The following ULK4 variants were observed in gnomAD, a reference collection of about 807,000 sequenced individuals.
ULK4 encodes the protein unc-51 like kinase 4, also known as inactive serine/threonine-protein kinase ULK4.
Under a neutral mutation model 160.6 loss-of-function variants are expected in ULK4, and 133 were observed. That is an observed-to-expected ratio of 0.83 (90% CI 0.72 to 0.96). ULK4 has a LOEUF of 0.96. Among genes scored for constraint, ULK4 ranks in the 40% least tolerant of loss-of-function variants. The pLI, the probability that ULK4 is intolerant of heterozygous loss-of-function variation, is 0.00. For synonymous variants in ULK4, 534 were observed against 539.8 expected (o/e 0.99, Z 0.15); for missense variants, 1,580 against 1,499.5 (o/e 1.05, Z -0.89).
chr3:41,457,408 T>C (rs2083580508), intron 33 of ULK4, among the ~76,000 whole-genome samples: 1 of 152,196 alleles, frequency 6.6e-6, no homozygotes, highest in African/African-American at 2.4e-5. Context: ...CCAGTATTCA[T>C]GTGGCCACCT....
chr3:41,540,040 A>G (rs942299834), intron 32 of ULK4, among the ~76,000 whole-genome samples: 3 of 152,154 alleles, frequency 2.0e-5, no homozygotes, highest in African/African-American at 7.2e-5. Context: ...TGGAATGAAA[A>G]TAAGTAATTT....
intron 17 of ULK4, among the ~76,000 whole-genome samples, chr3:41,864,822 T>C (rs2042581468): frequency 6.6e-6 from 1 of 152,136 alleles, no homozygotes; most frequent in Non-Finnish European, 1.5e-5. Flanking sequence ...TAAGACCAAT[T>C]ACCCTAGGTC....
intron 35 of ULK4, among the ~76,000 whole-genome samples, chr3:41,379,163 C>T (rs539262134): frequency 3.0e-4 from 46 of 151,492 alleles, no homozygotes; most frequent in African/African-American, 1.1e-3. Flanking sequence ...ATGTAATAAA[C>T]CTGCACATTC....
intron 21 of ULK4, among the ~76,000 whole-genome samples, chr3:41,757,488 C>T (rs1260379494): frequency 1.3e-5 from 2 of 151,538 alleles, no homozygotes; most frequent in Non-Finnish European, 2.9e-5. Context: ...AAAAATTAGC[C>T]AGGTGTGGTG....
intron 35 of ULK4, among the ~76,000 whole-genome samples, chr3:41,280,134 T>A (rs2079322278): frequency 6.6e-6 from 1 of 152,166 alleles, no homozygotes; most frequent in Non-Finnish European, 1.5e-5. Flanking sequence ...ATGCACCCAA[T>A]ACAGGAGCAC....
At chr3:41,826,299 C>T (rs1326979996) in intron 18 of ULK4, among the ~76,000 whole-genome samples, 1 of 152,092 alleles carries the variant, frequency 6.6e-6, no homozygotes, top group Non-Finnish European at 1.5e-5. Flanking sequence ...ATCAAATTCA[C>T]ACATAACAAT....
At chr3:41,848,638 CAT>C (rs1300539969) in intron 17 of ULK4, among the ~76,000 whole-genome samples, 2 of 152,158 alleles carry the variant, frequency 1.3e-5, no homozygotes, top group African/African-American at 4.8e-5. Context: ...TGAATCTGGA[CAT>C]AGAGTGAAGG....
intron 30 of ULK4, among the ~76,000 whole-genome samples, chr3:41,619,662 C>A (rs961995305): frequency 6.6e-6 from 1 of 151,648 alleles, no homozygotes; most frequent in Non-Finnish European, 1.5e-5. Context: ...AGGAAAAAAA[C>A]GGGAAAGATC....
intron 35 of ULK4, among the ~76,000 whole-genome samples, chr3:41,250,578 T>C (rs562021705): frequency 6.6e-6 from 1 of 152,346 alleles, no homozygotes; most frequent in South Asian, 2.1e-4. Flanking sequence ...CTGACTTTGA[T>C]CACAGCAACC....
chr3:41,574,675 G>A (rs1259046639), intron 31 of ULK4, among the ~76,000 whole-genome samples: 1 of 151,596 alleles, frequency 6.6e-6, no homozygotes, highest in Non-Finnish European at 1.5e-5. Flanking sequence ...CCAAGTAGCT[G>A]GGACTACAGT....
intron 22 of ULK4, among the ~76,000 whole-genome samples, chr3:41,724,285 A>T (rs1360007821): frequency 6.6e-6 from 1 of 152,214 alleles, no homozygotes; most frequent in African/African-American, 2.4e-5. Flanking sequence ...GATGCACATA[A>T]ACATTTCTAT....
chr3:41,279,995 CAG>C (rs1268676995), intron 35 of ULK4, among the ~76,000 whole-genome samples: 1 of 152,036 alleles, frequency 6.6e-6, no homozygotes, highest in Non-Finnish European at 1.5e-5. Flanking sequence ...AACTAAAAAA[CAG>C]GGGTTGCAAT....
chr3:41,355,535 A>G (rs753767137), intron 35 of ULK4, among the ~76,000 whole-genome samples: 2 of 152,324 alleles, frequency 1.3e-5, no homozygotes, highest in South Asian at 4.1e-4. Context: ...ATTGTAAGAG[A>G]GCTGACTGTC....
chr3:41,379,413 G>C (rs1255499676), intron 35 of ULK4, among the ~76,000 whole-genome samples: 1 of 152,070 alleles, frequency 6.6e-6, no homozygotes, highest in Admixed American at 6.6e-5. Flanking sequence ...AACTGAAAAA[G>C]GAAATCAAGA....
At chr3:41,381,731 G>C (rs765852012) in intron 35 of ULK4, among the ~76,000 whole-genome samples, 4 of 152,002 alleles carry the variant, frequency 2.6e-5, no homozygotes, top group Non-Finnish European at 5.9e-5. Flanking sequence ...CCTCTTCAAT[G>C]ACTACTCTCA....
chr3:41,382,178 A>G (rs562205641), intron 35 of ULK4, among the ~76,000 whole-genome samples: 1 of 152,234 alleles, frequency 6.6e-6, no homozygotes, highest in South Asian at 2.1e-4. Context: ...AAAATACCAC[A>G]TAGTTTACTT....
At chr3:41,248,741 G>A (rs1300549723) in intron 36 of ULK4, among the ~76,000 whole-genome samples, 2 of 152,226 alleles carry the variant, frequency 1.3e-5, no homozygotes, top group African/African-American at 4.8e-5. Flanking sequence ...CATAGGAGGC[G>A]GGTCCTTCTC....
At chr3:41,438,825 C>T (rs566394732) in intron 34 of ULK4, among the ~76,000 whole-genome samples, 32 of 151,866 alleles carry the variant, frequency 2.1e-4, no homozygotes, top group African/African-American at 7.0e-4. Context: ...ATGAGATCCC[C>T]GACTCAAGAA....
At chr3:41,868,820 T>G (rs918270942) in intron 17 of ULK4, among the ~76,000 whole-genome samples, 6 of 152,068 alleles carry the variant, frequency 3.9e-5, no homozygotes, top group African/African-American at 1.4e-4. Flanking sequence ...CCCCCCAATA[T>G]GACAATCTCT....
Sources: gnomAD v4.1 joint callset for allele counts (sites outside exome capture counted in the v4.1 genomes callset) on GRCh38, gnomAD v4.1.1 for gene constraint, MANE v1.5 for transcripts, NCBI Gene and HGNC (gene_info 2026-07-23, HGNC 2026-07-21) for gene names.